The following GABBR2 variants were observed in gnomAD, a reference collection of about 807,000 sequenced individuals.
GABBR2 encodes the protein gamma-aminobutyric acid type B receptor subunit 2, also known as G-protein coupled receptor 51.
A neutral mutation model predicts 105.6 loss-of-function variants in GABBR2; 23 were observed. The observed-to-expected ratio is 0.22, with a 90% CI of 0.16 to 0.31. The LOEUF (loss-of-function observed/expected upper bound fraction) is 0.31. Among genes scored for constraint, GABBR2 ranks in the 10% least tolerant of loss-of-function variants. The pLI is 1.00. For synonymous variants in GABBR2, 478 were observed against 499.7 expected, an observed-to-expected ratio of 0.96 and a Z score of 0.58; for missense variants, 734 against 1,245.5, an observed-to-expected ratio of 0.59 and a Z score of 6.18.
chr9:98,424,263 C>A (rs2131559657), intron 7 of GABBR2, among the ~76,000 whole-genome samples: 1 of 152,226 alleles, frequency 6.6e-6, no homozygotes, highest in Non-Finnish European at 1.5e-5. Context: ...CAGAAAAGGC[C>A]TTTGACAAAA....
chr9:98,582,884 C>T (rs1829021418), intron 1 of GABBR2, among the ~76,000 whole-genome samples: 1 of 152,178 alleles, frequency 6.6e-6, no homozygotes, highest in Admixed American at 6.5e-5. Flanking sequence ...TAGCCCCACA[C>T]TCTCATTTTC....
At chr9:98,660,747 C>G (rs4743251) in intron 1 of GABBR2, among the ~76,000 whole-genome samples, 141,539 of 152,270 alleles carry the variant, frequency 0.93, 65,913 homozygotes, top group African/African-American at 0.97. Context: ...GAGGCCACTT[C>G]TATTTTTTGA....
At chr9:98,699,568 C>T (rs995424859) in intron 1 of GABBR2, among the ~76,000 whole-genome samples, 2 of 152,206 alleles carry the variant, frequency 1.3e-5, no homozygotes, top group Non-Finnish European at 2.9e-5. Context: ...TGAGCTCCTG[C>T]TCTGTGCCTG....
rs546481131 is a variant in GABBR2 at position 98,292,176 on chromosome 9, G to T, written c.2661-1427C>A. Among the ~76,000 whole-genome samples, 10 of 152,336 alleles carry T rather than the reference G, an allele frequency of 6.6e-5. No homozygotes were observed. The South Asian group carries it at 1.7e-3, about 25-fold the overall frequency. On this transcript the variant is annotated intron_variant, in intron 18 of 18. Coordinates refer to ENST00000259455, the MANE Select transcript of GABBR2 (RefSeq NM_005458.8). ...TTGAGAGAAGGGACTGAGTTCTTAT[G>T]CCTTCTTGTGTTCCCAGTGCCTGGC... is the stretch of plus-strand genomic sequence containing the variant.
intron 6 of GABBR2, among the ~76,000 whole-genome samples, chr9:98,463,927 C>T (rs1826480785): frequency 6.6e-6 from 1 of 152,198 alleles, no homozygotes. Flanking sequence ...GAGTCTCGCT[C>T]ACTCAACGCT....
chr9:98,443,197 C>A (rs1826062578), intron 7 of GABBR2, among the ~76,000 whole-genome samples: 1 of 152,178 alleles, frequency 6.6e-6, no homozygotes, highest in Non-Finnish European at 1.5e-5. Flanking sequence ...ACCACCATGT[C>A]CCTGGCTCCT....
intron 7 of GABBR2, among the ~76,000 whole-genome samples, chr9:98,451,746 C>G (rs552678961): frequency 1.3e-5 from 2 of 152,290 alleles, no homozygotes; most frequent in South Asian, 2.1e-4. Context: ...CTTAGCATGT[C>G]CCTCCAGAAA....
chr9:98,411,772 T>C (rs747696113), intron 7 of GABBR2, among the ~76,000 whole-genome samples: 7 of 152,178 alleles, frequency 4.6e-5, no homozygotes, highest in Non-Finnish European at 8.8e-5. Context: ...GGTCTCAGTA[T>C]GTTGCCCAAG....
chr9:98,652,724 G>C (rs546773589), intron 1 of GABBR2, among the ~76,000 whole-genome samples: 315 of 152,338 alleles, frequency 2.1e-3, no homozygotes, highest in African/African-American at 7.3e-3. Context: ...CGCATTTGGA[G>C]GCAATGGGTC....
At chr9:98,681,610 G>A (rs140264046) in intron 1 of GABBR2, among the ~76,000 whole-genome samples, 1,868 of 152,052 alleles carry the variant, frequency 0.012, 22 homozygotes, top group Middle Eastern at 0.031. Context: ...AGATATTTGT[G>A]AAGACATAAT....
chr9:98,368,568 C>G (rs1831722208), intron 12 of GABBR2, among the ~76,000 whole-genome samples: 1 of 152,326 alleles, frequency 6.6e-6, no homozygotes, highest in East Asian at 1.9e-4. Flanking sequence ...CAACTGAACT[C>G]CTGCCGTTTT....
intron 9 of GABBR2, among the ~76,000 whole-genome samples, chr9:98,391,176 C>A (rs1832174071): frequency 6.6e-6 from 1 of 152,144 alleles, no homozygotes; most frequent in African/African-American, 2.4e-5. Flanking sequence ...TACACTGTCC[C>A]TGCCTTCAGG....
chr9:98,380,378 G>A lies in GABBR2; in HGVS notation c.1662+5262C>T, dbSNP rs73655417. ...CAAAGCCCCTTCTTACTCCTCCCCC[G>A]CTCGAGCTGGGGTTTCTGCCTCAGA... On this transcript the variant is annotated intron_variant, in intron 11 of 18. Coordinates refer to ENST00000259455, the MANE Select transcript of GABBR2 (RefSeq NM_005458.8). 5.6e-3 allele frequency among the ~76,000 whole-genome samples: 847 copies of A among 152,312 alleles called. 11 individuals are homozygous for A. Among genetic ancestry groups the A allele is most frequent in the African/African-American group, 0.02 (813 of 41,564 alleles).
At chr9:98,633,451 C>T (rs561991778) in intron 1 of GABBR2, among the ~76,000 whole-genome samples, 20 of 151,910 alleles carry the variant, frequency 1.3e-4, no homozygotes, top group African/African-American at 3.4e-4. Context: ...GGTGAAACCC[C>T]GTCTCTACTA....
chr9:98,612,017 C>G (rs1166365399), intron 1 of GABBR2, among the ~76,000 whole-genome samples: 1 of 152,274 alleles, frequency 6.6e-6, no homozygotes, highest in Admixed American at 6.5e-5. Context: ...ATCTTTGAGG[C>G]TCTATCTGGG....
At chr9:98,379,559 G>A (rs1451303554) in intron 11 of GABBR2, among the ~76,000 whole-genome samples, 4 of 152,142 alleles carry the variant, frequency 2.6e-5, no homozygotes, top group East Asian at 1.9e-4. Flanking sequence ...ATGAGCCACC[G>A]CACCTGGCCT....
intron 1 of GABBR2, among the ~76,000 whole-genome samples, chr9:98,584,561 A>G (rs2131787484): frequency 6.6e-6 from 1 of 152,382 alleles, no homozygotes; most frequent in Middle Eastern, 3.4e-3. Flanking sequence ...TCCAAAAGCC[A>G]TGAAAATCAA....
At chr9:98,499,633 A>G (rs1827361714) in intron 3 of GABBR2, among the ~76,000 whole-genome samples, 1 of 152,280 alleles carries the variant, frequency 6.6e-6, no homozygotes, top group African/African-American at 2.4e-5. Context: ...TCTTCCTCAC[A>G]AGGGAAAACA....
chr9:98,361,916 C>T (rs1053765143), intron 13 of GABBR2, among the ~76,000 whole-genome samples: 1 of 152,156 alleles, frequency 6.6e-6, no homozygotes, highest in African/African-American at 2.4e-5. Context: ...AAAGGCTCTG[C>T]CCTCAGTGCA....
Sources: gnomAD v4.1 joint callset for allele counts (sites outside exome capture counted in the v4.1 genomes callset) on GRCh38, gnomAD v4.1.1 for gene constraint, MANE v1.5 for transcripts, NCBI Gene and HGNC (gene_info 2026-07-23, HGNC 2026-07-21) for gene names.